The following KLF8 variants were observed in gnomAD, a reference collection of about 807,000 sequenced individuals.
KLF8 encodes the protein Krueppel-like factor 8.
KLF8 carries 10 observed loss-of-function variants against 18.2 expected under a neutral mutation model. The ratio of observed to expected loss-of-function variants is 0.55; its 90% CI spans 0.34 to 0.93. The LOEUF is 0.93. Ranked by LOEUF, KLF8 falls within the 40% of genes least tolerant of loss-of-function variation. The pLI is 0.02. For synonymous variants in KLF8, 109 were observed against 97.3 expected (o/e 1.12, Z -0.71); for missense variants, 264 against 277.9 (o/e 0.95, Z 0.36).
At chrX:56,222,849 CG>C in the KLF8 span, among the ~76,000 whole-genome samples, 1 of 113,099 alleles carries the variant, frequency 8.8e-6, no homozygotes, top group Admixed American at 9.2e-5. Flanking sequence ...GCTCCGAGTG[CG>C]GGGCCAGCCC....
chrX:56,171,891 A>C, the KLF8 span, among the ~76,000 whole-genome samples: 248 of 111,502 alleles, frequency 2.2e-3, 1 homozygote, highest in Non-Finnish European at 3.8e-3. Flanking sequence ...TATACACAGT[A>C]ATGGAATGGC....
At chrX:56,270,381 C>CACACACAA in intron 5 of KLF8, 60 bp downstream of exon 5, 3 of 779,218 alleles carry the variant, frequency 3.9e-6, no homozygotes, top group South Asian at 4.5e-5. Flanking sequence ...CACACACACA[C>CACACACAA]GAGAGAGAGA....
the KLF8 span, among the ~76,000 whole-genome samples, chrX:56,081,979 A>T: frequency 9.0e-6 from 1 of 111,038 alleles, no homozygotes; most frequent in African/African-American, 3.3e-5. Context: ...ATAAATCAGG[A>T]TTTTTTTCCC....
the KLF8 span, among the ~76,000 whole-genome samples, chrX:55,932,453 C>T: frequency 9.0e-6 from 1 of 111,544 alleles, no homozygotes. Flanking sequence ...GATGCATTTT[C>T]TTCATAGTAT....
intron 1 of KLF8, among the ~76,000 whole-genome samples, chrX:56,242,033 G>C (rs887316198): frequency 1.1e-4 from 12 of 112,161 alleles, no homozygotes; most frequent in Non-Finnish European, 1.9e-5. Context: ...GATTAAACTA[G>C]AACTAAAATG....
chrX:56,032,453 C>T, the KLF8 span, among the ~76,000 whole-genome samples: 1 of 111,798 alleles, frequency 8.9e-6, no homozygotes, highest in Non-Finnish European at 1.9e-5. Flanking sequence ...TTTCTGTCAC[C>T]TGAAAAGGCT....
the KLF8 span, among the ~76,000 whole-genome samples, chrX:56,059,311 A>G: frequency 9.0e-6 from 1 of 111,322 alleles, no homozygotes; most frequent in African/African-American, 3.3e-5. Flanking sequence ...TTGCCTGTTC[A>G]CTCTGATGAT....
the KLF8 span, among the ~76,000 whole-genome samples, chrX:56,070,263 G>A: frequency 9.0e-6 from 1 of 110,590 alleles, no homozygotes; most frequent in Non-Finnish European, 1.9e-5. Flanking sequence ...TTAGAGGGAA[G>A]GGAAGGGAGA....
chrX:56,177,740 T>A, the KLF8 span, among the ~76,000 whole-genome samples: 2 of 111,522 alleles, frequency 1.8e-5, no homozygotes, highest in Non-Finnish European at 3.8e-5. Flanking sequence ...TGAGCTGAGG[T>A]GGGCTCCACC....
intron 2 of KLF8, among the ~76,000 whole-genome samples, chrX:56,252,111 C>T (rs765372433): frequency 5.0e-4 from 56 of 110,925 alleles, no homozygotes; most frequent in Admixed American, 4.8e-4. Flanking sequence ...CTCCCAGATT[C>T]AAGCAATTAT....
At chrX:55,973,748 G>A in the KLF8 span, among the ~76,000 whole-genome samples, 1 of 112,361 alleles carries the variant, frequency 8.9e-6, no homozygotes, top group Non-Finnish European at 1.9e-5. Context: ...TGGTGGAAGT[G>A]TAAATTAGTT....
Position 56,288,506 on chromosome X carries a change from A to G in KLF8, c.*4012A>G, listed in dbSNP as rs753583437. On this transcript the variant is annotated 3_prime_UTR_variant, in exon 6 of 6. Coordinates refer to ENST00000468660, the MANE Select transcript of KLF8 (RefSeq NM_007250.5). ...ATCATACAGGCATACTTTGGAGACA[A>G]TGCAGATTTGGTTCCAGATCACTGC... Among the ~76,000 whole-genome samples the G allele has an allele frequency of 9.0e-6, 1 of 111,169 alleles. No homozygotes were observed. Among genetic ancestry groups the G allele is most frequent in the South Asian group, 3.9e-4 (1 of 2,548 alleles).
At chrX:56,214,300 C>A in the KLF8 span, among the ~76,000 whole-genome samples, 1 of 112,039 alleles carries the variant, frequency 8.9e-6, no homozygotes, top group Non-Finnish European at 1.9e-5. Flanking sequence ...GGGACCCCAG[C>A]TTTTTCTGCC....
chrX:56,180,129 T>A, the KLF8 span, among the ~76,000 whole-genome samples: 1 of 111,608 alleles, frequency 9.0e-6, no homozygotes, highest in Non-Finnish European at 1.9e-5. Flanking sequence ...CCTGGACTTT[T>A]TTTGGTTGGT....
chrX:56,187,687 G>A, the KLF8 span, among the ~76,000 whole-genome samples: 1 of 110,688 alleles, frequency 9.0e-6, no homozygotes, highest in Admixed American at 9.6e-5. Flanking sequence ...GATCAAGTGG[G>A]CTTCATCCCT....
the KLF8 span, among the ~76,000 whole-genome samples, chrX:56,048,782 T>C: frequency 8.9e-6 from 1 of 111,918 alleles, no homozygotes; most frequent in African/African-American, 3.2e-5. Flanking sequence ...AACTTTAAAG[T>C]AGCTATTTCC....
the KLF8 span, among the ~76,000 whole-genome samples, chrX:56,003,550 CTGTT>C: frequency 7.5e-4 from 84 of 111,722 alleles, no homozygotes; most frequent in Non-Finnish European, 1.3e-3. Flanking sequence ...TGAACTTTCT[CTGTT>C]TATTGAGAGA....
the KLF8 span, among the ~76,000 whole-genome samples, chrX:55,965,058 C>G: frequency 4.5e-5 from 5 of 111,395 alleles, no homozygotes; most frequent in African/African-American, 1.6e-4. Context: ...TTCTATGAGG[C>G]CAGAATCTTT....
rs780645349 is a variant in KLF8, at chrX:56,284,433, A to G, written c.1019A>G (p.Asn340Ser). ...AAGCCTTTTCGGTGCACAGACTGCA[A>G]CCGCAGCTTTTCTCGTTCTGACCAC... ...GIKPFRCTDC[N>S]RSFSRSDHLS... is the part of the protein sequence containing the mutation. The change falls in exon 6 of 6, where the codon AAC becomes AGC. Residue 340 changes from asparagine to serine, a missense_variant. Physicochemically the swap from Asn to Ser is conservative, Grantham distance 46 (BLOSUM62 1). This residue lies in a region of KLF8 where 43 missense variants were observed against 84.3 expected (regional missense o/e 0.51). Coordinates refer to ENST00000468660, the MANE Select transcript of KLF8 (RefSeq NM_007250.5). 15 of 1,208,169 alleles carry G rather than the reference A, an allele frequency of 1.2e-5. No homozygotes were observed. The highest frequency in any genetic ancestry group is 8.9e-6 in the Non-Finnish European group (8 of 894,037).
Sources: gnomAD v4.1 joint callset for allele counts (sites outside exome capture counted in the v4.1 genomes callset) on GRCh38, gnomAD v4.1.1 for gene constraint, gnomAD v4.1.1 regional missense constraint, MANE v1.5 for transcripts, NCBI Gene and HGNC (gene_info 2026-07-23, HGNC 2026-07-21) for gene names.